ZNF714: variants seen among roughly 807,000 people sequenced by gnomAD.
ZNF714 encodes zinc finger protein 714.
Under a neutral mutation model 46.2 loss-of-function variants are expected in ZNF714, and 32 were observed. The ratio of observed to expected loss-of-function variants is 0.69; its 90% CI spans 0.52 to 0.93. The LOEUF (loss-of-function observed/expected upper bound fraction) is 0.93, where lower values mean the gene tolerates loss of function less well. Among genes scored for constraint, ZNF714 ranks in the 40% least tolerant of loss-of-function variants. The pLI, the probability that ZNF714 is intolerant of heterozygous loss-of-function variation, is 0.00. For synonymous variants in ZNF714, 199 were observed against 213.1 expected, an observed-to-expected ratio of 0.93 and a Z score of 0.58; for missense variants, 635 against 646.3, an observed-to-expected ratio of 0.98 and a Z score of 0.19.
Position 21,082,204 on chromosome 19 carries a change from T to G in ZNF714, c.-321T>G. 2.3e-6 allele frequency: 2 copies of G among 876,870 alleles called. No individual in the cohort carries two copies. Among genetic ancestry groups the G allele is most frequent in the Non-Finnish European group, 3.4e-6 (2 of 586,530 alleles). 54.3% of individuals were successfully genotyped at this position (876,870 alleles called of 1,614,324 possible). On this transcript the variant is annotated 5_prime_UTR_variant, in exon 1 of 5. Coordinates refer to ENST00000456283, the MANE Select transcript of ZNF714 (RefSeq NM_182515.4). ...CTTCGGGGATGTGGCGGGGCCTTTGTCTCTCGCTGCAGCTGGAGCTGCAGG... is the reference window on the plus strand; with the variant it reads ...CTTCGGGGATGTGGCGGGGCCTTTGGCTCTCGCTGCAGCTGGAGCTGCAGG...
At chr19:21,088,132 G>C (rs1968825620) in intron 2 of ZNF714, among the ~76,000 whole-genome samples, 1 of 152,156 alleles carries the variant, frequency 6.6e-6, no homozygotes, top group Non-Finnish European at 1.5e-5. Context: ...AGTGAACAGT[G>C]ATAGTGGCAT....
chr19:21,117,009 A>G lies in ZNF714; in HGVS notation c.345A>G (p.Lys115=). 6.2e-7 allele frequency: 1 copy of G among 1,613,642 alleles called. No individual in the cohort carries two copies. Among genetic ancestry groups the G allele is most frequent in the South Asian group, 1.1e-5 (1 of 91,036 alleles). ...LNQCLTTTQS[K]IFPCDKYIKV... is the part of the protein sequence containing the mutation. ...AGTGTTTGACAACTACCCAGAGCAA[A>G]ATATTTCCATGTGATAAATATATAA... The change falls in exon 5 of 5, where the codon AAA becomes AAG. Residue 115 remains lysine, a synonymous_variant. Transcript: ENST00000456283.
intron 2 of ZNF714, among the ~76,000 whole-genome samples, chr19:21,085,056 G>A (rs185474702): frequency 6.6e-5 from 10 of 152,118 alleles, no homozygotes; most frequent in South Asian, 4.2e-4. Context: ...GGTTTCTCAG[G>A]TGTGTTTGTT....
rs1332946539 is a variant in ZNF714 at position 21,118,029 on chromosome 19, T to A, written c.1365T>A (p.Cys455Ter). Reference protein sequence around the residue: ...RIHTGEKPYKCEECGKAFNRS... With the variant: ...RIHTGEKPYK The stretch of plus-strand genomic sequence containing the variant: ...ACACTGGAGAGAAACCCTACAAATG[T>A]GAAGAATGTGGCAAAGCTTTCAACC... Residue 455 changes from cysteine to a stop codon, truncating the protein, a stop_gained, in exon 5 of 5, where the codon TGT becomes TGA. Transcript: ENST00000456283. LOFTEE classifies it high-confidence loss of function. 3 of 1,613,866 alleles carry A rather than the reference T, an allele frequency of 1.9e-6. No individual in the cohort carries two copies. The highest frequency in any genetic ancestry group is 2.2e-5 in the East Asian group (1 of 44,876).
At chr19:21,103,734 A>G (rs551898827) in intron 4 of ZNF714, among the ~76,000 whole-genome samples, 6 of 152,160 alleles carry the variant, frequency 3.9e-5, no homozygotes, top group Admixed American at 3.9e-4. Context: ...CCTCTCTACA[A>G]AAATTTTTTA....
intron 2 of ZNF714, among the ~76,000 whole-genome samples, chr19:21,087,273 C>G (rs921032387): frequency 6.7e-6 from 1 of 148,260 alleles, no homozygotes; most frequent in Admixed American, 6.8e-5. Context: ...ATTTGGTTAG[C>G]TCTGTGGCAT....
rs144337339 is a variant in ZNF714 at position 21,118,081 on chromosome 19, A to G, written c.1417A>G (p.Ile473Val). 138 of 1,613,858 alleles carry G rather than the reference A, an allele frequency of 8.6e-5. No individual in the cohort carries two copies. The highest frequency in any genetic ancestry group is 1.1e-4 in the Non-Finnish European group (131 of 1,179,928). The stretch of plus-strand genomic sequence containing the variant: ...ATCCTCAAACCTTACTAAACATAAC[A>G]TAATTCATACTGGAGAGAAATCTTA... ...NRSSNLTKHNIIHTGEKSYKC... is the reference protein window; with the variant it reads ...NRSSNLTKHNVIHTGEKSYKC... Residue 473 changes from isoleucine (I) to valine (V), a missense_variant, in exon 5 of 5, where the codon ATA (isoleucine) becomes GTA (valine). Ile to Val is a conservative substitution (Grantham distance 29). Transcript: ENST00000456283.
At chr19:21,094,285 C>T (rs1166699133) in intron 2 of ZNF714, among the ~76,000 whole-genome samples, 2 of 152,208 alleles carry the variant, frequency 1.3e-5, no homozygotes, top group African/African-American at 4.8e-5. Flanking sequence ...GCCACTGAGC[C>T]CAGCCCATGT....
intron 4 of ZNF714, among the ~76,000 whole-genome samples, chr19:21,105,671 T>G (rs946874868): frequency 6.6e-6 from 1 of 152,086 alleles, no homozygotes; most frequent in Non-Finnish European, 1.5e-5. Context: ...GAAATATTTT[T>G]TGGCCAGGCG....
At chr19:21,086,396 C>T (rs1210076670) in intron 2 of ZNF714, among the ~76,000 whole-genome samples, 1 of 152,074 alleles carries the variant, frequency 6.6e-6, no homozygotes, top group Non-Finnish European at 1.5e-5. Flanking sequence ...AGGGCAGCAC[C>T]GAGGGCTGCT....
intron 4 of ZNF714, among the ~76,000 whole-genome samples, chr19:21,105,232 A>G (rs59555483): frequency 0.06 from 9,061 of 151,692 alleles, 663 homozygotes; most frequent in African/African-American, 0.18. Flanking sequence ...CATCTTGGTC[A>G]GGCCAGTCTT....
chr19:21,119,259 C>T lies in ZNF714; in HGVS notation c.*927C>T, dbSNP rs1009041164. 2.2e-5 allele frequency: 7 copies of T among 314,800 alleles called. No homozygotes were observed. Among genetic ancestry groups the T allele is most frequent in the Non-Finnish European group, 3.8e-5 (6 of 159,322 alleles). 19.5% of individuals were successfully genotyped at this position (314,800 alleles called of 1,614,324 possible). On this transcript the variant is annotated 3_prime_UTR_variant, in exon 5 of 5. Transcript: ENST00000456283. The stretch of plus-strand genomic sequence containing the variant: ...CTCTACTAAAAATACAACAATTAGC[C>T]GGTTGCGGTGGTGGTGCCTGTAATC...
chr19:21,106,822 T>G (rs186762158), intron 4 of ZNF714, among the ~76,000 whole-genome samples: 33 of 152,004 alleles, frequency 2.2e-4, no homozygotes, highest in South Asian at 4.2e-4. Flanking sequence ...TTTAGCTTAT[T>G]TATGTATGTA....
At chr19:21,109,158 A>G (rs1969389144) in intron 4 of ZNF714, among the ~76,000 whole-genome samples, 1 of 152,122 alleles carries the variant, frequency 6.6e-6, no homozygotes, top group African/African-American at 2.4e-5. Flanking sequence ...TGAGTCTCTT[A>G]TAGACAGCAA....
Position 21,116,908 on chromosome 19 carries a change from A to G in ZNF714, c.244A>G (p.Asn82Asp). 6.2e-7 allele frequency: 1 copy of G among 1,613,932 alleles called. No individual in the cohort carries two copies. Among genetic ancestry groups the G allele is most frequent in the Non-Finnish European group, 8.5e-7 (1 of 1,179,896 alleles). Residue 82 changes from asparagine (N) to aspartate (D), a missense_variant, in exon 5 of 5, where the codon AAT becomes GAT. Transcript: ENST00000456283. ...AAGACATGGCAAATGTGAACATGAG[A>G]ATTTACAGTTAAGAAAAGGCTCCGC... ...LRRHGKCEHE[N>D]LQLRKGSANV...
Position 21,118,380 on chromosome 19 carries a change from A to T in ZNF714, c.*48A>T. On this transcript the variant is annotated 3_prime_UTR_variant, in exon 5 of 5. Transcript: ENST00000456283. The stretch of plus-strand genomic sequence containing the variant: ...GGCAGGAGAATCATTTGAACCTGGG[A>T]GGCAGAGGTTGCAGTGAGCCAAGAT... The T allele has an allele frequency of 3.5e-6, 2 of 567,342 alleles. No individual in the cohort carries two copies. Among genetic ancestry groups the T allele is most frequent in the Non-Finnish European group, 6.1e-6 (2 of 329,442 alleles). The allele number at this position is 567,342 out of a possible 1,614,324, so 35.1% of individuals were successfully genotyped here.
At chr19:21,087,222 CAAAAAAA>C (rs57295093) in intron 2 of ZNF714, among the ~76,000 whole-genome samples, 6 of 92,146 alleles carry the variant, frequency 6.5e-5, no homozygotes, top group South Asian at 4.1e-4. Flanking sequence ...GCAGTCTCAG[CAAAAAAA>C]AAAAAAAAAA....
Position 21,123,590 on chromosome 19 carries a change from C to G in ZNF714, c.*5258C>G, listed in dbSNP as rs1188079643. On this transcript the variant is annotated 3_prime_UTR_variant, in exon 5 of 5. Coordinates refer to ENST00000456283, the MANE Select transcript of ZNF714 (RefSeq NM_182515.4). ...CAGGATGGTCTCAATCTCCTGACCT[C>G]GTGATCCGCCCGCCTCGACCTCCCA... Among the ~76,000 whole-genome samples the G allele has an allele frequency of 6.6e-6, 1 of 152,022 alleles. No homozygotes were observed. The highest frequency in any genetic ancestry group is 2.4e-5 in the African/African-American group (1 of 41,402).
rs565467942 is a variant in ZNF714, at chr19:21,098,170, G to T, written c.-84-15G>T. 1.9e-6 allele frequency: 3 copies of T among 1,603,672 alleles called. No individual in the cohort carries two copies. Among genetic ancestry groups the T allele is most frequent in the East Asian group, 2.2e-5 (1 of 44,644 alleles). On this transcript the variant is annotated splice_polypyrimidine_tract_variant and intron_variant, in intron 2 of 4. Transcript: ENST00000456283. Reference sequence around the variant, plus strand: ...TTGGTAAATATACGTGTGTCTGTGCGTATGTGTTTTTCAGGAGACGTTGAC... The same window carrying T: ...TTGGTAAATATACGTGTGTCTGTGCTTATGTGTTTTTCAGGAGACGTTGAC...
Sources: allele counts gnomAD v4.1 joint callset (sites outside exome capture counted in the v4.1 genomes callset), GRCh38; gene constraint gnomAD v4.1.1; transcripts MANE v1.5; gene names NCBI Gene and HGNC (gene_info 2026-07-23, HGNC 2026-07-21).